LAMA1: variants seen among roughly 807,000 people sequenced by gnomAD.
LAMA1 encodes laminin subunit alpha 1.
Under a neutral mutation model 348.7 loss-of-function variants are expected in LAMA1, and 219 were observed. That is an observed-to-expected ratio of 0.63 (90% confidence interval 0.56 to 0.70). The LOEUF is 0.70. Among genes scored for constraint, LAMA1 ranks in the 30% least tolerant of loss-of-function variants. LAMA1 has a pLI of 0.00. For missense variants in LAMA1, 3,744 were observed against 3,888.0 expected (o/e 0.96, Z 0.99); for synonymous variants, 1,487 against 1,491.0 (o/e 1.00, Z 0.06).
chr18:6,989,535 T>C (rs1034222706), intron 36 of LAMA1, among the ~76,000 whole-genome samples: 1 of 152,324 alleles, frequency 6.6e-6, no homozygotes, highest in Non-Finnish European at 1.5e-5. Flanking sequence ...AAATGGCATA[T>C]ATATAGGGAT....
Position 7,086,711 on chromosome 18 carries a change from C to T in LAMA1, c.62-6254G>A, listed in dbSNP as rs542644930. Among the ~76,000 whole-genome samples the T allele has an allele frequency of 5.9e-5, 9 of 152,298 alleles. No homozygotes were observed. The South Asian group carries it at 1.9e-3, about 32-fold the overall frequency. On this transcript the variant is annotated intron_variant, in intron 1 of 62. Coordinates refer to ENST00000389658, the MANE Select transcript of LAMA1 (RefSeq NM_005559.4). Reference sequence around the variant, plus strand: ...ATGAGTAAGTGAAGGAAGGAGATCCCTCTGCCTCTCCCTCAGGGACCACAC... The same window carrying T: ...ATGAGTAAGTGAAGGAAGGAGATCCTTCTGCCTCTCCCTCAGGGACCACAC...
At chr18:7,008,215 G>A (rs948034726) in intron 28 of LAMA1, among the ~76,000 whole-genome samples, 3 of 152,124 alleles carry the variant, frequency 2.0e-5, no homozygotes, top group African/African-American at 7.2e-5. Context: ...TGCAGAGTTT[G>A]CGTTTCGGAT....
chr18:7,023,749 C>A (rs658188), intron 18 of LAMA1, among the ~76,000 whole-genome samples: 69,631 of 151,758 alleles, frequency 0.46, 18,176 homozygotes, highest in African/African-American at 0.72. Context: ...CTAAAGCAAA[C>A]CACCTGTCAT....
Position 6,986,218 on chromosome 18 carries a change from C to G in LAMA1, c.5298G>C (p.Ala1766=), listed in dbSNP as rs200050759. The G allele has an allele frequency of 1.4e-5, 23 of 1,614,186 alleles. No homozygotes were observed. Among genetic ancestry groups the G allele is most frequent in the Non-Finnish European group, 1.9e-5 (23 of 1,180,038 alleles). ...TCTTTGCCTCAGCTTCCCTCACGAGCGCCTCAGCCGCCTTTAGTTCATTGT... is the reference window on the plus strand; with the variant it reads ...TCTTTGCCTCAGCTTCCCTCACGAGGGCCTCAGCCGCCTTTAGTTCATTGT... ...KHNNELKAAE[A]LVREAEAKMQ... Residue 1766 remains alanine (A), a synonymous_variant, in exon 37 of 63, where the codon GCG becomes GCC. Transcript: ENST00000389658.
chr18:6,985,496 T>C (rs1277644981), intron 38 of LAMA1, 31 bp downstream of exon 38: 5 of 1,609,818 alleles, frequency 3.1e-6, no homozygotes, highest in African/African-American at 2.7e-5. Context: ...CTTTAAAAAC[T>C]GTACTGTGGC....
In LAMA1 at chr18:6,975,244, C is replaced by T. The variant is rs184006863; in HGVS notation, c.6490-208G>A. Among the ~76,000 whole-genome samples, 430 of 152,298 alleles carry T rather than the reference C, an allele frequency of 2.8e-3. 3 individuals are homozygous for T. The Middle Eastern group carries it at 0.034, about 12-fold the overall frequency. On this transcript the variant is annotated intron_variant, in intron 45 of 62. Transcript: ENST00000389658. ...TGACTCACAGCCCCGGGGACATTAG[C>T]GCCTCCCTGCGTGCCTGGCATGGCC...
At chr18:6,955,898 C>T (rs953701423) in intron 56 of LAMA1, 4 of 346,992 alleles carry the variant, frequency 1.2e-5, no homozygotes, top group African/African-American at 8.6e-5. Context: ...TTTGCAGGGC[C>T]TCAGAGTGTG....
At chr18:7,023,604 T>C (rs1406435563) in intron 18 of LAMA1, among the ~76,000 whole-genome samples, 1 of 151,970 alleles carries the variant, frequency 6.6e-6, no homozygotes, top group Non-Finnish European at 1.5e-5. Flanking sequence ...CATGCACCTG[T>C]TTCCAGGGCC....
chr18:7,070,981 C>T (rs1028338607), intron 3 of LAMA1, among the ~76,000 whole-genome samples: 1 of 151,288 alleles, frequency 6.6e-6, no homozygotes, highest in Non-Finnish European at 1.5e-5. Context: ...AGTGTCAATA[C>T]CCTGCTGGAT....
intron 12 of LAMA1, 89 bp downstream of exon 12, chr18:7,037,489 A>G (rs2058000432): frequency 6.9e-7 from 1 of 1,449,210 alleles, no homozygotes; most frequent in South Asian, 1.1e-5. Context: ...GCCCTATGAG[A>G]CTACCTAAAA....
At chr18:6,951,672 G>A (rs1380074806) in intron 57 of LAMA1, among the ~76,000 whole-genome samples, 3 of 152,164 alleles carry the variant, frequency 2.0e-5, no homozygotes, top group East Asian at 3.9e-4. Flanking sequence ...CAGGGGTGAA[G>A]CGGGTCCCAT....
chr18:7,096,020 A>G (rs979751929), intron 1 of LAMA1, among the ~76,000 whole-genome samples: 6 of 152,256 alleles, frequency 3.9e-5, no homozygotes, highest in Non-Finnish European at 7.3e-5. Context: ...GTGAGCCGAG[A>G]TCGCGCCATT....
chr18:7,032,590 T>C lies in LAMA1; in HGVS notation c.2163+394A>G, dbSNP rs1317962372. ...TAAGGTGGAGCCCACCAAAGTAAAATAGCGAGGGGCCATAAAAGGTCTCAA... is the reference window on the plus strand; with the variant it reads ...TAAGGTGGAGCCCACCAAAGTAAAACAGCGAGGGGCCATAAAAGGTCTCAA... On this transcript the variant is annotated intron_variant, in intron 15 of 62. Coordinates refer to ENST00000389658, the MANE Select transcript of LAMA1 (RefSeq NM_005559.4). Among the ~76,000 whole-genome samples, 7 of 152,252 alleles carry C rather than the reference T, an allele frequency of 4.6e-5. No homozygotes were observed. The South Asian group carries it at 1.0e-3, about 23-fold the overall frequency.
At chr18:7,033,191 G>A (rs2057978763) in intron 14 of LAMA1, 96 bp from the exon 15 acceptor site, 2 of 920,924 alleles carry the variant, frequency 2.2e-6, no homozygotes, top group Non-Finnish European at 3.4e-6. Flanking sequence ...ATCCGGCCGG[G>A]CGCAGTGGCT....
At chr18:7,050,962 C>A in intron 3 of LAMA1, 26 bp from the exon 4 acceptor site, 1 of 1,613,110 alleles carries the variant, frequency 6.2e-7, no homozygotes, top group South Asian at 1.1e-5. Context: ...TGAAAAGTCT[C>A]AATCCAGAAT....
intron 3 of LAMA1, among the ~76,000 whole-genome samples, chr18:7,077,426 C>T (rs976791985): frequency 1.3e-5 from 2 of 151,946 alleles, no homozygotes; most frequent in Admixed American, 6.6e-5. Context: ...AGGATGGTCT[C>T]GATCTCCTGA....
At position 6,942,124 on chromosome 18, in the gene LAMA1, T is replaced by C. The variant is rs769575627; in HGVS notation, c.9183A>G (p.Glu3061=). Residue 3061 remains glutamate, a synonymous_variant, in exon 63 of 63, where the codon GAA becomes GAG. Coordinates refer to ENST00000389658, the MANE Select transcript of LAMA1 (RefSeq NM_005559.4). ...VQSFDFSRAF[E]LHGVFLHSCP... Reference sequence around the variant, plus strand: ...AGGAATGAAGGAAAACTCCGTGCAGTTCGAACGCTCTGCTGAAGTCAAAGG... The same window carrying C: ...AGGAATGAAGGAAAACTCCGTGCAGCTCGAACGCTCTGCTGAAGTCAAAGG... 10 of 1,614,072 alleles carry C rather than the reference T, an allele frequency of 6.2e-6. No individual in the cohort carries two copies. The highest frequency in any genetic ancestry group is 3.3e-4 in the Middle Eastern group (2 of 6,082).
intron 3 of LAMA1, among the ~76,000 whole-genome samples, chr18:7,061,091 G>A (rs754847014): frequency 6.6e-6 from 1 of 152,142 alleles, no homozygotes; most frequent in Non-Finnish European, 1.5e-5. Context: ...CTGGGAGGTC[G>A]AGGCTGCAGT....
At chr18:7,039,472 G>A (rs1234979063) in intron 10 of LAMA1, among the ~76,000 whole-genome samples, 4 of 152,138 alleles carry the variant, frequency 2.6e-5, no homozygotes, top group African/African-American at 9.7e-5. Flanking sequence ...CTTTTTAACA[G>A]ACACTCAAAA....
Sources: gnomAD v4.1 joint callset for allele counts (sites outside exome capture counted in the v4.1 genomes callset) on GRCh38, gnomAD v4.1.1 for gene constraint, MANE v1.5 for transcripts, NCBI Gene and HGNC (gene_info 2026-07-23, HGNC 2026-07-21) for gene names.